The following CERS5 variants were observed in gnomAD, a reference collection of about 807,000 sequenced individuals.
The protein encoded by CERS5 is ceramide synthase 5.
A neutral mutation model predicts 58.9 loss-of-function variants in CERS5; 37 were observed. That is an observed-to-expected ratio of 0.63 (90% CI 0.48 to 0.83). The LOEUF is 0.83. Ranked by LOEUF, CERS5 falls within the 40% of genes least tolerant of loss-of-function variation. The pLI, the probability that CERS5 is intolerant of heterozygous loss-of-function variation, is 0.00. For synonymous variants in CERS5, 147 were observed against 177.8 expected (o/e 0.83, Z 1.38); for missense variants, 398 against 489.3 (o/e 0.81, Z 1.76).
At position 50,130,117 on chromosome 12, in the gene CERS5, T is replaced by G. The variant is rs924691779; in HGVS notation, c.*428A>C. On this transcript the variant is annotated 3_prime_UTR_variant, in exon 10 of 10. Coordinates refer to ENST00000317551, the MANE Select transcript of CERS5 (RefSeq NM_147190.5). ...GTGGGACTGAACTTGGCTGCTCCATTCAGATGGTCCAGGGGTTTAGAGTGT... is the reference window on the plus strand; with the variant it reads ...GTGGGACTGAACTTGGCTGCTCCATGCAGATGGTCCAGGGGTTTAGAGTGT... 1 of 156,086 alleles carries G rather than the reference T, an allele frequency of 6.4e-6. No homozygotes were observed. The highest frequency in any genetic ancestry group is 1.4e-5 in the Non-Finnish European group (1 of 70,514). The allele number at this position is 156,086 out of a possible 1,614,324, so 9.7% of individuals were successfully genotyped here.
intron 1 of CERS5, among the ~76,000 whole-genome samples, chr12:50,162,879 C>T (rs1457293879): frequency 6.6e-6 from 1 of 152,172 alleles, no homozygotes; most frequent in Non-Finnish European, 1.5e-5. Flanking sequence ...GCTGGGATTA[C>T]AGGCATGAGC....
At position 50,129,648 on chromosome 12, in the gene CERS5, T is replaced by TA. The variant is rs1362905373; in HGVS notation, c.*896dup. On this transcript the variant is annotated 3_prime_UTR_variant, in exon 10 of 10. Transcript: ENST00000317551. ...TTAAAAAACATAAAGCTCTAAAATG[T>TA]AAGCACCCTGGCTGACTCTTCCTAC... is the stretch of plus-strand genomic sequence containing the variant. 3 of 152,002 alleles carry TA rather than the reference T, an allele frequency of 2.0e-5. No individual in the cohort carries two copies. Among genetic ancestry groups the TA allele is most frequent in the African/African-American group, 4.8e-5 (2 of 41,378 alleles). The allele number at this position is 152,002 out of a possible 1,614,324, so 9.4% of individuals were successfully genotyped here. A position where few individuals can be genotyped will look rare whatever the true frequency, so the allele number is the denominator to read the frequency against.
At chr12:50,143,710 A>G (rs1952105814) in intron 2 of CERS5, 1 of 435,432 alleles carries the variant, frequency 2.3e-6, no homozygotes, top group African/African-American at 2.0e-5. Context: ...CTGGGGAAAG[A>G]GGGGTAAGGG....
intron 1 of CERS5, among the ~76,000 whole-genome samples, chr12:50,147,995 T>C (rs888506535): frequency 1.4e-4 from 21 of 151,364 alleles, no homozygotes; most frequent in Non-Finnish European, 2.9e-4. Context: ...TCCCAGGCCA[T>C]TGCTATTTTT....
chr12:50,141,456 T>A (rs766828767), intron 4 of CERS5, among the ~76,000 whole-genome samples: 30 of 152,214 alleles, frequency 2.0e-4, no homozygotes, highest in Non-Finnish European at 3.8e-4. Flanking sequence ...TCAATTTTTG[T>A]CAAGTGCTTT....
intron 1 of CERS5, among the ~76,000 whole-genome samples, chr12:50,151,030 A>G (rs759245508): frequency 5.9e-5 from 9 of 152,050 alleles, no homozygotes; most frequent in African/African-American, 1.9e-4. Flanking sequence ...CCTTCCTTCT[A>G]TTATCTTCAG....
chr12:50,166,343 A>G (rs1939893339), intron 1 of CERS5: 1 of 160,632 alleles, frequency 6.2e-6, no homozygotes, highest in East Asian at 1.8e-4. Context: ...AAAAAAAAAA[A>G]GAAAAGAAAA....
intron 1 of CERS5, chr12:50,154,234 T>C (rs896940403): frequency 5.6e-6 from 2 of 354,358 alleles, no homozygotes; most frequent in Admixed American, 7.5e-5. Flanking sequence ...ATGCCTGTAA[T>C]CCTAGCTACT....
chr12:50,157,250 AGT>A (rs1278588203), intron 1 of CERS5, among the ~76,000 whole-genome samples: 10 of 152,010 alleles, frequency 6.6e-5, no homozygotes, highest in African/African-American at 2.4e-4. Flanking sequence ...ACCTTGTGAT[AGT>A]GTGAGTTAAT....
intron 1 of CERS5, among the ~76,000 whole-genome samples, chr12:50,156,381 G>A (rs966212706): frequency 7.6e-6 from 1 of 132,124 alleles, no homozygotes; most frequent in Non-Finnish European, 1.6e-5. Flanking sequence ...TCCAGCCTGG[G>A]TGACAGAGCA....
intron 4 of CERS5, among the ~76,000 whole-genome samples, chr12:50,140,263 GAA>G (rs1951895271): frequency 6.9e-6 from 1 of 144,082 alleles, no homozygotes; most frequent in African/African-American, 2.6e-5. Context: ...AGGTTATTGA[GAA>G]GAGTTGTTTA....
rs758994279 is a variant in CERS5, at chr12:50,167,174, G to A, written c.124C>T (p.Pro42Ser). 1.2e-6 allele frequency: 2 copies of A among 1,602,332 alleles called. No individual in the cohort carries two copies. ...ACCGAGAGGATGTGCCGGCCGCGGG[G>A]GTAACCGTAGCCGTCGGCCGGCCCC... ...LEGPADGYGY[P>S]RGRHILSVFP... is the part of the protein sequence containing the mutation. The change falls in exon 1 of 10, where the codon CCC (proline) becomes TCC (serine). Residue 42 changes from proline (P) to serine (S), a missense_variant. Pro to Ser is a moderately conservative substitution (Grantham distance 74). This residue lies in a region of CERS5 where 328 missense variants were observed against 384.5 expected (regional missense o/e 0.85). Transcript: ENST00000317551.
Position 50,134,709 on chromosome 12 carries a change from G to T in CERS5, c.873-7C>A, listed in dbSNP as rs769711197. 18 of 1,610,798 alleles carry T rather than the reference G, an allele frequency of 1.1e-5. No individual in the cohort carries two copies. Among genetic ancestry groups the T allele is most frequent in the African/African-American group, 2.7e-5 (2 of 74,840 alleles). ...GAGGGTCGTGTTCAGAATCCTAGAA[G>T]AGGGAGGCCAATAGTCAGATTCTAG... is the stretch of plus-strand genomic sequence containing the variant. On this transcript the variant is annotated splice_polypyrimidine_tract_variant and splice_region_variant and intron_variant, in intron 8 of 9. Transcript: ENST00000317551.
At chr12:50,131,336 G>A (rs1414271832) in intron 9 of CERS5, among the ~76,000 whole-genome samples, 3 of 152,020 alleles carry the variant, frequency 2.0e-5, no homozygotes, top group Non-Finnish European at 4.4e-5. Flanking sequence ...CGAGGCAGGC[G>A]GATCACAAGG....
In CERS5 at chr12:50,129,501, ATTTTTTTTTTTTTT is replaced by A. The variant is rs5798128; in HGVS notation, c.*1030_*1043del. The A allele has an allele frequency of 8.2e-6, 1 of 121,334 alleles. No individual in the cohort carries two copies. The highest frequency in any genetic ancestry group is 2.7e-4 in the South Asian group (1 of 3,666). The allele number at this position is 121,334 out of a possible 1,614,324, so 7.5% of individuals were successfully genotyped here. On this transcript the variant is annotated 3_prime_UTR_variant, in exon 10 of 10. Transcript: ENST00000317551. ...GTTGAGGAACTAAAAGTATGACCTAATTTTTTTTTTTTTTTTTTTTTTTAGACAGAGTCTCGGTC... is the reference window on the plus strand; with the variant it reads ...GTTGAGGAACTAAAAGTATGACCTAATTTTTTTTTAGACAGAGTCTCGGTC...
chr12:50,163,809 C>T (rs979242785), intron 1 of CERS5, among the ~76,000 whole-genome samples: 18 of 152,070 alleles, frequency 1.2e-4, no homozygotes, highest in Non-Finnish European at 5.9e-5. Flanking sequence ...TGCACCATCA[C>T]ACCCAGCTAA....
intron 5 of CERS5, 39 bp from the exon 6 acceptor site, chr12:50,137,859 C>A: frequency 7.4e-7 from 1 of 1,343,968 alleles, no homozygotes; most frequent in South Asian, 1.2e-5. Context: ...ACCGGCTAGT[C>A]AAAGGTGCAT....
At chr12:50,152,073 G>A (rs556734884) in intron 1 of CERS5, among the ~76,000 whole-genome samples, 4 of 152,000 alleles carry the variant, frequency 2.6e-5, no homozygotes, top group East Asian at 1.9e-4. Context: ...GGTTCTTTTC[G>A]TACTCTACAC....
rs1314956285 is a variant in CERS5 at position 50,135,844 on chromosome 12, G to A, written c.766-6C>T. On this transcript the variant is annotated splice_polypyrimidine_tract_variant and splice_region_variant and intron_variant, in intron 7 of 9. Coordinates refer to ENST00000317551, the MANE Select transcript of CERS5 (RefSeq NM_147190.5). ...TAATTGGCCAGTTTGGCTGCCTGGA[G>A]AAAGGAAGAAAGAATTGAGCTGGGG... 1 of 1,611,368 alleles carries A rather than the reference G, an allele frequency of 6.2e-7. No homozygotes were observed. Among genetic ancestry groups the A allele is most frequent in the Non-Finnish European group, 8.5e-7 (1 of 1,178,646 alleles).
Sources: allele counts gnomAD v4.1 joint callset (sites outside exome capture counted in the v4.1 genomes callset), GRCh38; gene constraint gnomAD v4.1.1; regional missense constraint gnomAD v4.1.1; transcripts MANE v1.5; gene names NCBI Gene and HGNC (gene_info 2026-07-23, HGNC 2026-07-21).